Variants in MAPK8IP1 observed in about 807,000 individuals in gnomAD.
MAPK8IP1 encodes the protein mitogen-activated protein kinase 8 interacting protein 1, also known as C-Jun-amino-terminal kinase-interacting protein 1.
In MAPK8IP1, 17 loss-of-function variants were observed where a neutral mutation model predicts 72.6. That is an observed-to-expected ratio of 0.23 (90% CI 0.16 to 0.35). The LOEUF is 0.35. Ranked by LOEUF, MAPK8IP1 falls within the 10% of genes least tolerant of loss-of-function variation. MAPK8IP1 has a pLI of 1.00. For synonymous variants in MAPK8IP1, 401 were observed against 443.4 expected (o/e 0.90, Z 1.20); for missense variants, 789 against 1,009.7 (o/e 0.78, Z 2.96).
intron 1 of MAPK8IP1, among the ~76,000 whole-genome samples, chr11:45,892,911 C>T (rs61882476): frequency 0.022 from 3,406 of 152,234 alleles, 65 homozygotes; most frequent in Non-Finnish European, 0.034. Flanking sequence ...TAGGGTTGAG[C>T]GGCCAGTCAA....
At chr11:45,894,272 C>T (rs1380343429) in intron 1 of MAPK8IP1, among the ~76,000 whole-genome samples, 2 of 152,194 alleles carry the variant, frequency 1.3e-5, no homozygotes, top group East Asian at 1.9e-4. Context: ...GCAGCTTCAA[C>T]GTGAAAGAGT....
intron 1 of MAPK8IP1, among the ~76,000 whole-genome samples, chr11:45,887,069 A>G (rs989846188): frequency 6.6e-6 from 1 of 152,296 alleles, no homozygotes; most frequent in East Asian, 1.9e-4. Flanking sequence ...CCAGGGCTGC[A>G]GCTCTCTGAT....
intron 1 of MAPK8IP1, chr11:45,896,878 C>T: frequency 7.7e-6 from 12 of 1,554,106 alleles, no homozygotes; most frequent in Non-Finnish European, 1.0e-5. Context: ...GCAGGGCTCT[C>T]CATGCAGCTG....
chr11:45,899,102 A>T lies in MAPK8IP1; in HGVS notation c.207+912A>T, dbSNP rs536058883. Among the ~76,000 whole-genome samples the T allele has an allele frequency of 5.3e-5, 8 of 152,288 alleles. No individual in the cohort carries two copies. The East Asian group carries it at 1.4e-3, about 26-fold the overall frequency. On this transcript the variant is annotated intron_variant, in intron 2 of 11. Transcript: ENST00000241014. ...GAGACTCAGTAAGCTCTGCAAGAGG[A>T]AACCAAGGGGTGAGGATAATCCCCT...
At chr11:45,890,289 C>T (rs556189747) in intron 1 of MAPK8IP1, among the ~76,000 whole-genome samples, 1 of 152,204 alleles carries the variant, frequency 6.6e-6, no homozygotes, top group African/African-American at 2.4e-5. Context: ...GACAGATCCT[C>T]TAGGACAGGG....
Position 45,904,316 on chromosome 11 carries a change from C to T in MAPK8IP1, c.1667-139C>T, listed in dbSNP as rs1025469400. On this transcript the variant is annotated intron_variant, in intron 7 of 11. Transcript: ENST00000241014. This position sits in a 1 kb window ranked among gnomAD's most constrained non-coding sequence, Gnocchi z 6.4. ...TTTCACGATCAAGCAAAGTGAGGCC[C>T]GGCCAAGTTGGGCAGCCAGGGATTG... is the stretch of plus-strand genomic sequence containing the variant. The T allele has an allele frequency of 4.0e-5, 48 of 1,200,690 alleles. No individual in the cohort carries two copies. Among genetic ancestry groups the T allele is most frequent in the African/African-American group, 1.5e-4 (10 of 66,194 alleles). 74.4% of individuals were successfully genotyped at this position (1,200,690 alleles called of 1,614,324 possible).
At chr11:45,887,697 C>T (rs923073129) in intron 1 of MAPK8IP1, among the ~76,000 whole-genome samples, 3 of 152,132 alleles carry the variant, frequency 2.0e-5, no homozygotes, top group African/African-American at 7.2e-5. Flanking sequence ...AATGTGTGGC[C>T]AGCTCTGCGG....
chr11:45,902,128 C>G lies in MAPK8IP1; in HGVS notation c.604+67C>G. The G allele has an allele frequency of 1.4e-6, 2 of 1,386,208 alleles. No individual in the cohort carries two copies. Among genetic ancestry groups the G allele is most frequent in the Non-Finnish European group, 1.0e-6 (1 of 971,862 alleles). The allele number at this position is 1,386,208 out of a possible 1,614,324, so 85.9% of individuals were successfully genotyped here. A position where few individuals can be genotyped will look rare whatever the true frequency, so the allele number is the denominator to read the frequency against. ...CTGACTCAGTCCCCACTACAGAGAG[C>G]AAACCCTACAGTCTCCAAAGGGCTG... On this transcript the variant is annotated intron_variant, in intron 4 of 11. Coordinates refer to ENST00000241014, the MANE Select transcript of MAPK8IP1 (RefSeq NM_005456.4). This position sits in a 1 kb window ranked among gnomAD's most constrained non-coding sequence, Gnocchi z 9.3.
At chr11:45,905,369 C>G in intron 11 of MAPK8IP1, 120 bp downstream of exon 11, 1 of 986,648 alleles carries the variant, frequency 1.0e-6, no homozygotes, top group Non-Finnish European at 1.6e-6. Flanking sequence ...GGAGAACTAT[C>G]TCCGGACCCC....
Position 45,902,372 on chromosome 11 carries a change from G to T in MAPK8IP1, c.605G>T (p.Gly202Val). The T allele has an allele frequency of 1.3e-6, 2 of 1,561,326 alleles. No individual in the cohort carries two copies. The highest frequency in any genetic ancestry group is 2.4e-5 in the East Asian group (1 of 42,112). The change falls in exon 5 of 12, where the codon GGG (glycine) becomes GTG (valine). Residue 202 changes from glycine (G) to valine (V), a missense_variant and splice_region_variant. Physicochemically the swap from Gly to Val is moderately radical, Grantham distance 109 (BLOSUM62 -3). This residue lies in a region of MAPK8IP1 where 377 missense variants were observed against 411.7 expected (regional missense o/e 0.92). Coordinates refer to ENST00000241014, the MANE Select transcript of MAPK8IP1 (RefSeq NM_005456.4). The surrounding 1 kb of genome is among the most constrained non-coding windows in gnomAD (Gnocchi z 9.3). Reference sequence around the variant, plus strand: ...CCTTCATGACCTGCCTGCTCTCCAGGGGAGCAGACACCACCGCATGAACAC... The same window carrying T: ...CCTTCATGACCTGCCTGCTCTCCAGTGGAGCAGACACCACCGCATGAACAC... ...VSRSSSPLKT[G>V]EQTPPHEHIC...
chr11:45,889,889 AG>A (rs968337371), intron 1 of MAPK8IP1, among the ~76,000 whole-genome samples: 2 of 152,090 alleles, frequency 1.3e-5, no homozygotes, highest in African/African-American at 4.8e-5. Context: ...CTAGGTCACC[AG>A]GGAAACACTG....
In MAPK8IP1 at chr11:45,902,221, T is replaced by A; in HGVS notation, c.605-151T>A. 1.1e-6 allele frequency: 1 copy of A among 949,356 alleles called. No individual in the cohort carries two copies. Among genetic ancestry groups the A allele is most frequent in the Non-Finnish European group, 1.7e-6 (1 of 590,362 alleles). The allele number at this position is 949,356 out of a possible 1,614,324, so 58.8% of individuals were successfully genotyped here. ...CCAGGGGCTGAGATCAGTGGTGGCA[T>A]GAGTGAGTTGACTGGCCCCAGAGCC... is the stretch of plus-strand genomic sequence containing the variant. On this transcript the variant is annotated intron_variant, in intron 4 of 11. Transcript: ENST00000241014. The surrounding 1 kb of genome is among the most constrained non-coding windows in gnomAD (Gnocchi z 9.3).
chr11:45,902,976 CAGTGACGAG>C lies in MAPK8IP1; in HGVS notation c.1216_1224del (p.Glu406_Asp408del), dbSNP rs1212759980. On this transcript the variant is annotated inframe_deletion, in exon 5 of 12. Transcript: ENST00000241014. The surrounding 1 kb of genome is among the most constrained non-coding windows in gnomAD (Gnocchi z 9.3). The stretch of plus-strand genomic sequence containing the variant: ...GCCTGCGGCCGTGCTTCGGAGACTA[CAGTGACGAG>C]AGTGACTCTGCCACCGTCTATGACA... 1.9e-6 allele frequency: 3 copies of C among 1,612,010 alleles called. 1 individual carries two copies. Among genetic ancestry groups the C allele is most frequent in the Non-Finnish European group, 2.5e-6 (3 of 1,179,884 alleles).
Position 45,905,894 on chromosome 11 carries a change from G to A in MAPK8IP1, c.*173G>A. On this transcript the variant is annotated 3_prime_UTR_variant, in exon 12 of 12. Transcript: ENST00000241014. ...GGTGGGGCAATGGGGAGAGGCAAAT[G>A]CAGTTTATTGTAATATATGGGATTA... 1.5e-6 allele frequency: 1 copy of A among 657,752 alleles called. No individual in the cohort carries two copies. Among genetic ancestry groups the A allele is most frequent in the Non-Finnish European group, 2.7e-6 (1 of 366,152 alleles). 40.7% of individuals were successfully genotyped at this position (657,752 alleles called of 1,614,324 possible).
At chr11:45,891,481 G>A (rs1428250200) in intron 1 of MAPK8IP1, among the ~76,000 whole-genome samples, 1 of 152,184 alleles carries the variant, frequency 6.6e-6, no homozygotes, top group East Asian at 1.9e-4. Context: ...AGCAAAGGTG[G>A]GGAGTCAGTG....
At position 45,904,158 on chromosome 11, in the gene MAPK8IP1, G is replaced by T. The variant is rs1230907894; in HGVS notation, c.1663G>T (p.Ala555Ser). The T allele has an allele frequency of 6.2e-7, 1 of 1,613,624 alleles. No homozygotes were observed. The highest frequency in any genetic ancestry group is 1.1e-5 in the South Asian group (1 of 91,058). The stretch of plus-strand genomic sequence containing the variant: ...GGTCACCAAGGAGCCCGAGCACATG[G>T]CAGGTAGTGTTCCCTCCCTGGCCTG... ...IEVTKEPEHMAALAKNSDWVD... is the reference protein window; with the variant it reads ...IEVTKEPEHMSALAKNSDWVD... Residue 555 changes from alanine (A) to serine (S), a missense_variant, in exon 7 of 12, where the codon GCA (alanine) becomes TCA (serine). By Grantham distance (99) the Ala-to-Ser change is moderately conservative (BLOSUM62 1). This residue lies in a region of MAPK8IP1 where 188 missense variants were observed against 293.3 expected (regional missense o/e 0.64). Coordinates refer to ENST00000241014, the MANE Select transcript of MAPK8IP1 (RefSeq NM_005456.4). This position sits in a 1 kb window ranked among gnomAD's most constrained non-coding sequence, Gnocchi z 6.4.
chr11:45,900,540 C>A lies in MAPK8IP1; in HGVS notation c.522+88C>A. 6.9e-7 allele frequency: 1 copy of A among 1,452,230 alleles called. No individual in the cohort carries two copies. The highest frequency in any genetic ancestry group is 1.4e-5 in the African/African-American group (1 of 69,104). 90.0% of individuals were successfully genotyped at this position (1,452,230 alleles called of 1,614,324 possible). A position where few individuals can be genotyped will look rare whatever the true frequency, so the allele number is the denominator to read the frequency against. On this transcript the variant is annotated intron_variant, in intron 3 of 11. Transcript: ENST00000241014. This position sits in a 1 kb window ranked among gnomAD's most constrained non-coding sequence, Gnocchi z 6.5. ...AGGGGCTGCAGCGGGAAGGGGCACC[C>A]ACGGGTCCAGTGCCTGGGGACAGCG...
At chr11:45,899,036 G>A (rs1315814422) in intron 2 of MAPK8IP1, among the ~76,000 whole-genome samples, 3 of 152,188 alleles carry the variant, frequency 2.0e-5, no homozygotes, top group Admixed American at 2.0e-4. Flanking sequence ...GTGCCTTGGG[G>A]AGGGAGTACC....
At chr11:45,887,816 G>A (rs1167629661) in intron 1 of MAPK8IP1, among the ~76,000 whole-genome samples, 11 of 152,358 alleles carry the variant, frequency 7.2e-5, no homozygotes, top group Middle Eastern at 3.4e-3. Context: ...AATAATAAGC[G>A]TCAGTGTCTC....
Sources: gnomAD v4.1 joint callset for allele counts (sites outside exome capture counted in the v4.1 genomes callset) on GRCh38, gnomAD v4.1.1 for gene constraint, gnomAD v4.1.1 regional missense constraint, Gnocchi (gnomAD v3.1) non-coding constraint, MANE v1.5 for transcripts, NCBI Gene and HGNC (gene_info 2026-07-23, HGNC 2026-07-21) for gene names.